SPHKAP: variants seen among roughly 807,000 people sequenced by gnomAD.
SPHKAP encodes the protein A-kinase anchor protein SPHKAP.
Under a neutral mutation model 137.5 loss-of-function variants are expected in SPHKAP, and 67 were observed. The observed-to-expected ratio is 0.49, with a 90% CI of 0.40 to 0.60. The LOEUF (loss-of-function observed/expected upper bound fraction) is 0.60, where lower values mean the gene tolerates loss of function less well. SPHKAP is among the 20% of genes least tolerant of loss of function. SPHKAP has a pLI of 0.00. For missense variants in SPHKAP, 2,097 were observed against 2,069.3 expected (o/e 1.01, Z -0.26); for synonymous variants, 813 against 785.3 (o/e 1.04, Z -0.59).
At position 228,018,344 on chromosome 2, in the gene SPHKAP, C is replaced by T; in HGVS notation, c.2510G>A (p.Gly837Glu). The change falls in exon 7 of 12, where the codon GGA becomes GAA. Residue 837 changes from glycine to glutamate, a missense_variant. Gly to Glu is a moderately conservative substitution (Grantham distance 98). Transcript: ENST00000392056. ...GCTTTTTGTATCCTCTCCTGCTATT[C>T]CTTTCAGATATATTTCCTTGGAGGA... is the stretch of plus-strand genomic sequence containing the variant. ...TTSSKEIYLK[G>E]IAGEDTKSPH... The T allele has an allele frequency of 6.2e-7, 1 of 1,614,148 alleles. No homozygotes were observed. Among genetic ancestry groups the T allele is most frequent in the Non-Finnish European group, 8.5e-7 (1 of 1,180,034 alleles).
chr2:228,016,852 C>T lies in SPHKAP; in HGVS notation c.4002G>A (p.Glu1334=). The T allele has an allele frequency of 1.2e-6, 2 of 1,614,074 alleles. No individual in the cohort carries two copies. The highest frequency in any genetic ancestry group is 1.3e-5 in the African/African-American group (1 of 75,028). ...GCGAGGGAGAGCCACCAGAAACAGG[C>T]TCAGTGTCAGCTTCCTCTGCATCAT... ...IVDDAEEADT[E]PVSGGSPSQA... is the part of the protein sequence containing the mutation. The change falls in exon 7 of 12, where the codon GAG becomes GAA. Residue 1334 remains glutamate, a synonymous_variant. Coordinates refer to ENST00000392056, the MANE Select transcript of SPHKAP (RefSeq NM_001142644.2).
intron 3 of SPHKAP, among the ~76,000 whole-genome samples, chr2:228,041,967 C>T (rs989254223): frequency 4.6e-5 from 7 of 151,718 alleles, no homozygotes; most frequent in East Asian, 1.9e-4. Flanking sequence ...GTCTTAAGGC[C>T]GAACCATAAC....
chr2:228,001,030 A>G (rs1208422309), intron 7 of SPHKAP, among the ~76,000 whole-genome samples: 1 of 152,090 alleles, frequency 6.6e-6, no homozygotes, highest in Non-Finnish European at 1.5e-5. Context: ...CTGTTGCTCC[A>G]CATCTTTGCC....
At chr2:228,156,679 C>T (rs955305176) in intron 1 of SPHKAP, among the ~76,000 whole-genome samples, 2 of 152,116 alleles carry the variant, frequency 1.3e-5, no homozygotes, top group Admixed American at 6.6e-5. Flanking sequence ...TCCTATAATT[C>T]CCTTGTGTTG....
At position 228,071,480 on chromosome 2, in the gene SPHKAP, C is replaced by A. The variant is rs150199700; in HGVS notation, c.246+37352G>T. Among the ~76,000 whole-genome samples the A allele has an allele frequency of 5.3e-5, 8 of 152,298 alleles. No homozygotes were observed. In the East Asian group the frequency reaches 9.7e-4, roughly 18 times the overall value. The stretch of plus-strand genomic sequence containing the variant: ...CCATTCTTTGCTGGCACTAAGTTCT[C>A]CGGCTTTACACTCTTTGGCTTCCCT... On this transcript the variant is annotated intron_variant, in intron 3 of 11. Coordinates refer to ENST00000392056, the MANE Select transcript of SPHKAP (RefSeq NM_001142644.2).
rs753109446 is a variant in SPHKAP at position 228,108,853 on chromosome 2, G to T, written c.225C>A (p.Asp75Glu). Residue 75 changes from aspartate to glutamate, a missense_variant, in exon 3 of 12, where the codon GAC becomes GAA. Coordinates refer to ENST00000392056, the MANE Select transcript of SPHKAP (RefSeq NM_001142644.2). ...TTACAGAAGCACAGTTTTCAGACTTGTCTTCTACAAAACCAATTTGGCAGG... is the reference window on the plus strand; with the variant it reads ...TTACAGAAGCACAGTTTTCAGACTTTTCTTCTACAAAACCAATTTGGCAGG... ...RMPCQIGFVE[D>E]KSENCASVCF... 2.1e-5 allele frequency: 34 copies of T among 1,609,200 alleles called. No individual in the cohort carries two copies. Among genetic ancestry groups the T allele is most frequent in the African/African-American group, 6.7e-5 (5 of 74,550 alleles).
At chr2:228,068,516 G>A (rs936089474) in intron 3 of SPHKAP, among the ~76,000 whole-genome samples, 7 of 152,066 alleles carry the variant, frequency 4.6e-5, no homozygotes, top group African/African-American at 1.4e-4. Context: ...TAGCATGATC[G>A]TGGCCTAAAA....
At chr2:228,038,046 T>G (rs750370185) in intron 3 of SPHKAP, among the ~76,000 whole-genome samples, 7 of 152,188 alleles carry the variant, frequency 4.6e-5, no homozygotes, top group Non-Finnish European at 8.8e-5. Context: ...GAGGCTTTGA[T>G]GAGGAGACTG....
intron 1 of SPHKAP, among the ~76,000 whole-genome samples, chr2:228,170,726 A>T (rs4334483): frequency 0.13 from 20,499 of 152,094 alleles, 1,389 homozygotes; most frequent in East Asian, 0.2. Flanking sequence ...ATAACTTTTG[A>T]ATCCCTTGGA....
In SPHKAP at chr2:228,164,031, T is replaced by C. The variant is rs993112585; in HGVS notation, c.32+17536A>G. ...CTGGGAGAGGAAGACCCACTCCCAGTGTGGGTGGGCACCATCCAATTGGCT... is the reference window on the plus strand; with the variant it reads ...CTGGGAGAGGAAGACCCACTCCCAGCGTGGGTGGGCACCATCCAATTGGCT... On this transcript the variant is annotated intron_variant, in intron 1 of 11. Coordinates refer to ENST00000392056, the MANE Select transcript of SPHKAP (RefSeq NM_001142644.2). Among the ~76,000 whole-genome samples the C allele has an allele frequency of 2.6e-5, 4 of 152,098 alleles. No individual in the cohort carries two copies. In the South Asian group the frequency reaches 6.2e-4, roughly 24 times the overall value.
At chr2:228,166,958 G>A (rs1209980597) in intron 1 of SPHKAP, among the ~76,000 whole-genome samples, 2 of 152,240 alleles carry the variant, frequency 1.3e-5, no homozygotes, top group South Asian at 4.1e-4. Flanking sequence ...GATCCAGAGA[G>A]AGAGGGGAGG....
chr2:228,005,274 C>A lies in SPHKAP; in HGVS notation c.4449-9580G>T, dbSNP rs113917634. ...GCATATATATTTAGGATAGTTAGCT[C>A]TTCTTGTTGAATTGATCCCTTTACC... On this transcript the variant is annotated intron_variant, in intron 7 of 11. Transcript: ENST00000392056. Among the ~76,000 whole-genome samples, 1,275 of 152,268 alleles carry A rather than the reference C, an allele frequency of 8.4e-3. 10 individuals are homozygous for A. The highest frequency in any genetic ancestry group is 0.025 in the African/African-American group (1,052 of 41,570).
rs368437055 is a variant in SPHKAP at position 228,071,633 on chromosome 2, G to GTTTT, written c.246+37195_246+37198dup. 8.6e-4 allele frequency among the ~76,000 whole-genome samples: 130 copies of GTTTT among 151,894 alleles called. No individual in the cohort carries two copies. In the South Asian group the frequency reaches 9.2e-3, roughly 11 times the overall value. ...ATATTTCACAAAAAGTGCAAGGCTT[G>GTTTT]TTTTTTTTGTCTGGTGGTATAGCTG... On this transcript the variant is annotated intron_variant, in intron 3 of 11. Coordinates refer to ENST00000392056, the MANE Select transcript of SPHKAP (RefSeq NM_001142644.2).
chr2:228,074,078 A>G (rs1317957044), intron 3 of SPHKAP, among the ~76,000 whole-genome samples: 1 of 152,228 alleles, frequency 6.6e-6, no homozygotes, highest in Non-Finnish European at 1.5e-5. Context: ...ACTGCTGCAG[A>G]CTTAACCTCA....
At chr2:228,029,648 A>G (rs144802611) in intron 3 of SPHKAP, among the ~76,000 whole-genome samples, 148 of 152,368 alleles carry the variant, frequency 9.7e-4, no homozygotes, top group African/African-American at 3.3e-3. Flanking sequence ...CTTTGCAGAC[A>G]GTGCAAATGG....
At chr2:228,101,334 T>C (rs1039957357) in intron 3 of SPHKAP, among the ~76,000 whole-genome samples, 1 of 152,242 alleles carries the variant, frequency 6.6e-6, no homozygotes, top group Non-Finnish European at 1.5e-5. Flanking sequence ...TTAACATACA[T>C]GTACAATTTT....
At chr2:228,084,038 C>T (rs549629796) in intron 3 of SPHKAP, among the ~76,000 whole-genome samples, 24 of 150,332 alleles carry the variant, frequency 1.6e-4, no homozygotes, top group Non-Finnish European at 3.0e-4. Context: ...CCATGGCACA[C>T]GTATACCTAT....
rs562004654 is a variant in SPHKAP, at chr2:228,142,431, C to T, written c.33-10346G>A. On this transcript the variant is annotated intron_variant, in intron 1 of 11. Transcript: ENST00000392056. ...AGCTTGCAGTGAGCCGAGATGGCAC[C>T]AGTGCACTCCAGCCTGGGTGACAGA... Among the ~76,000 whole-genome samples the T allele has an allele frequency of 3.1e-3, 467 of 150,406 alleles. 3 individuals are homozygous for T. The highest frequency in any genetic ancestry group is 5.3e-3 in the Non-Finnish European group (357 of 67,770).
At chr2:228,172,255 A>C (rs1004834842) in intron 1 of SPHKAP, among the ~76,000 whole-genome samples, 1 of 152,198 alleles carries the variant, frequency 6.6e-6, no homozygotes. Flanking sequence ...CAGCAGCTAG[A>C]TTGTGGACTA....
Sources: gnomAD v4.1 joint callset for allele counts (sites outside exome capture counted in the v4.1 genomes callset) on GRCh38, gnomAD v4.1.1 for gene constraint, MANE v1.5 for transcripts, NCBI Gene and HGNC (gene_info 2026-07-23, HGNC 2026-07-21) for gene names.